Variants in SLIT3 observed in about 807,000 individuals in gnomAD.
SLIT3 encodes slit guidance ligand 3.
SLIT3 carries 68 observed loss-of-function variants against 184.0 expected under a neutral mutation model. The ratio of observed to expected loss-of-function variants is 0.37; its 90% CI spans 0.30 to 0.45. SLIT3 has a LOEUF of 0.45. SLIT3 is among the 20% of genes least tolerant of loss of function. SLIT3 has a pLI of 1.00. For synonymous variants in SLIT3, 831 were observed against 828.6 expected (o/e 1.00, Z -0.05); for missense variants, 1,707 against 2,026.0 (o/e 0.84, Z 3.02).
intron 4 of SLIT3, among the ~76,000 whole-genome samples, chr5:169,169,037 T>TG (rs34255426): frequency 0.012 from 1,850 of 149,354 alleles, 23 homozygotes; most frequent in Non-Finnish European, 0.017. Context: ...CAGCCCAGAG[T>TG]GGGGGGGGGA....
rs1755660688 is a variant in SLIT3, at chr5:168,774,228, T to C, written c.1295+7A>G. The C allele has an allele frequency of 1.2e-6, 2 of 1,600,702 alleles. No individual in the cohort carries two copies. The highest frequency in any genetic ancestry group is 1.7e-6 in the Non-Finnish European group (2 of 1,174,340). ...GCACCCACTGGCACCCGAGGCAGTG[T>C]ACTCACAGTGTCTGGATGGACTGCA... On this transcript the variant is annotated splice_region_variant and intron_variant, in intron 13 of 35. Transcript: ENST00000519560.
chr5:169,179,209 C>G (rs1218628670), intron 4 of SLIT3, among the ~76,000 whole-genome samples: 1 of 143,214 alleles, frequency 7.0e-6, no homozygotes, highest in Non-Finnish European at 1.5e-5. Context: ...GATCTCAGAT[C>G]AAGAAAAAAA....
intron 15 of SLIT3, among the ~76,000 whole-genome samples, chr5:168,762,180 T>G (rs1755178955): frequency 6.6e-6 from 1 of 152,268 alleles, no homozygotes; most frequent in Non-Finnish European, 1.5e-5. Context: ...TTTTCTCACT[T>G]CACTACCATT....
At chr5:168,703,539 C>T (rs1053238943) in intron 26 of SLIT3, among the ~76,000 whole-genome samples, 1 of 152,024 alleles carries the variant, frequency 6.6e-6, no homozygotes, top group African/African-American at 2.4e-5. Flanking sequence ...CTAACTAATA[C>T]CTGATGATCT....
In SLIT3 at chr5:169,264,054, C is replaced by T. The variant is rs760227753; in HGVS notation, c.198-12595G>A. Among the ~76,000 whole-genome samples, 10 of 149,394 alleles carry T rather than the reference C, an allele frequency of 6.7e-5. 1 individual carries two copies. Among genetic ancestry groups the T allele is most frequent in the Non-Finnish European group, 1.5e-4 (10 of 67,428 alleles). On this transcript the variant is annotated intron_variant, in intron 1 of 35. Coordinates refer to ENST00000519560, the MANE Select transcript of SLIT3 (RefSeq NM_003062.4). ...TAAACATGTATTATTCAATATACCT[C>T]CTACCTTCCAAAAAAAACCACTGAA...
intron 11 of SLIT3, among the ~76,000 whole-genome samples, chr5:168,786,977 G>A (rs1756177896): frequency 6.6e-6 from 1 of 152,114 alleles, no homozygotes; most frequent in Non-Finnish European, 1.5e-5. Flanking sequence ...CACTCGGATC[G>A]CAATCCAGGC....
intron 1 of SLIT3, among the ~76,000 whole-genome samples, chr5:169,254,863 A>T (rs1229584680): frequency 6.6e-6 from 1 of 152,214 alleles, no homozygotes; most frequent in Admixed American, 6.5e-5. Context: ...GTTATAACTT[A>T]TGAGAAACTC....
chr5:169,192,714 C>A (rs1381169365), intron 4 of SLIT3, among the ~76,000 whole-genome samples: 4 of 152,138 alleles, frequency 2.6e-5, no homozygotes, highest in African/African-American at 9.7e-5. Context: ...TCGCTTCATT[C>A]AGAAAGGTGT....
intron 25 of SLIT3, 120 bp from the exon 26 acceptor site, chr5:168,708,220 CA>C: frequency 7.3e-7 from 1 of 1,376,862 alleles, no homozygotes; most frequent in Non-Finnish European, 1.0e-6. Flanking sequence ...ACTCCATGCC[CA>C]GATGGCAGCT....
intron 4 of SLIT3, among the ~76,000 whole-genome samples, chr5:169,137,218 T>C (rs1761537851): frequency 6.6e-6 from 1 of 151,844 alleles, no homozygotes; most frequent in South Asian, 2.1e-4. Context: ...GATAGGAACT[T>C]ACAAGGACAT....
chr5:168,989,882 T>A (rs1478178870), intron 4 of SLIT3, among the ~76,000 whole-genome samples: 1 of 152,242 alleles, frequency 6.6e-6, no homozygotes, highest in Admixed American at 6.5e-5. Context: ...AGGTTGAATG[T>A]CCCCTGAGGT....
At chr5:169,297,996 A>G (rs931213340) in intron 1 of SLIT3, among the ~76,000 whole-genome samples, 5 of 152,192 alleles carry the variant, frequency 3.3e-5, no homozygotes, top group African/African-American at 9.7e-5. Context: ...ATATCCCCCA[A>G]GAGTTTTCAG....
chr5:168,833,458 G>A (rs888259088), intron 6 of SLIT3, among the ~76,000 whole-genome samples: 6 of 152,150 alleles, frequency 3.9e-5, no homozygotes, highest in African/African-American at 1.4e-4. Flanking sequence ...TGGCAGCCAG[G>A]GATCAATGAT....
Position 168,669,759 on chromosome 5 carries a change from C to T in SLIT3, c.4336+24G>A, listed in dbSNP as rs771028920. On this transcript the variant is annotated intron_variant, in intron 35 of 35. Transcript: ENST00000519560. ...TCCAACTCTGACCCCCACTTCCTCC[C>T]TCCCACAGGCACAGTAGACCCACCT... 5 of 1,605,372 alleles carry T rather than the reference C, an allele frequency of 3.1e-6. No individual in the cohort carries two copies. The Middle Eastern group carries it at 6.2e-4, about 200-fold the overall frequency.
intron 6 of SLIT3, among the ~76,000 whole-genome samples, chr5:168,841,745 G>A (rs186934693): frequency 2.4e-3 from 371 of 152,298 alleles, no homozygotes; most frequent in Middle Eastern, 6.8e-3. Context: ...TATTGCATGC[G>A]AAATACTTCT....
chr5:168,974,235 C>T (rs1206762821), intron 4 of SLIT3, among the ~76,000 whole-genome samples: 2 of 152,188 alleles, frequency 1.3e-5, no homozygotes, highest in Non-Finnish European at 2.9e-5. Context: ...TGGTTCACTG[C>T]CTTCTCCTGC....
intron 4 of SLIT3, among the ~76,000 whole-genome samples, chr5:168,970,665 T>A (rs1754547171): frequency 6.6e-6 from 1 of 152,180 alleles, no homozygotes; most frequent in South Asian, 2.1e-4. Flanking sequence ...TGGCATTTGT[T>A]GTGGGGTATC....
chr5:169,014,861 G>T (rs1756303096), intron 4 of SLIT3, among the ~76,000 whole-genome samples: 1 of 152,170 alleles, frequency 6.6e-6, no homozygotes, highest in Non-Finnish European at 1.5e-5. Context: ...TGAGACAGGA[G>T]AATTACTTGA....
chr5:168,674,601 C>T (rs570988082), intron 32 of SLIT3, among the ~76,000 whole-genome samples: 1 of 150,162 alleles, frequency 6.7e-6, no homozygotes, highest in East Asian at 2.0e-4. Context: ...AAGCAATTCT[C>T]CTGCCTCGGC....
Sources: gnomAD v4.1 joint callset for allele counts (sites outside exome capture counted in the v4.1 genomes callset) on GRCh38, gnomAD v4.1.1 for gene constraint, MANE v1.5 for transcripts, NCBI Gene and HGNC (gene_info 2026-07-23, HGNC 2026-07-21) for gene names.